Variants in MCM2 observed in about 807,000 individuals in gnomAD.
The protein encoded by MCM2 is minichromosome maintenance complex component 2.
In MCM2, 49 loss-of-function variants were observed where a neutral mutation model predicts 86.4. The observed-to-expected ratio is 0.57, with a 90% CI of 0.45 to 0.72. MCM2 has a LOEUF of 0.72. MCM2 is among the 30% of genes least tolerant of loss of function. The pLI is 0.00. For missense variants in MCM2, 1,038 were observed against 1,259.9 expected (o/e 0.82, Z 2.67); for synonymous variants, 475 against 484.6 (o/e 0.98, Z 0.26).
rs2074451264 is a variant in MCM2 at position 127,618,608 on chromosome 3, T to G, written c.2014-419T>G. Among the ~76,000 whole-genome samples the G allele has an allele frequency of 6.6e-6, 1 of 152,072 alleles. No individual in the cohort carries two copies. Among genetic ancestry groups the G allele is most frequent in the African/African-American group, 2.4e-5 (1 of 41,418 alleles). ...CTCAAAAGGGCCGAGCCTTGGGGCT[T>G]GATTGTGCTCCTTGCTCCTGGCAGA... On this transcript the variant is annotated intron_variant, in intron 12 of 15. Coordinates refer to ENST00000265056, the MANE Select transcript of MCM2 (RefSeq NM_004526.4). This position sits in a 1 kb window ranked among gnomAD's most constrained non-coding sequence, Gnocchi z 4.0.
chr3:127,619,418 G>A, intron 13 of MCM2, 140 bp downstream of exon 13: 1 of 1,038,160 alleles, frequency 9.6e-7, no homozygotes, highest in Non-Finnish European at 1.4e-6. Context: ...AAATGTAGGT[G>A]CCAGGCACAG....
chr3:127,598,499 G>GGCGC, intron 1 of MCM2, 27 bp downstream of exon 1: 3 of 1,611,452 alleles, frequency 1.9e-6, no homozygotes, highest in Non-Finnish European at 2.5e-6. Flanking sequence ...GTGGCGGGCG[G>GGCGC]GCGCCGGGGA....
At chr3:127,602,874 G>C (rs2074315039) in intron 2 of MCM2, among the ~76,000 whole-genome samples, 1 of 152,118 alleles carries the variant, frequency 6.6e-6, no homozygotes, top group Non-Finnish European at 1.5e-5. Context: ...CGGGGAGTTG[G>C]GTCAGCTCTC....
At position 127,618,673 on chromosome 3, in the gene MCM2, G is replaced by A. The variant is rs191605775; in HGVS notation, c.2014-354G>A. ...GTCACATGACTTGCATCTCATTGTC[G>A]TCATCTCAGCTCCCTGTCTTTCAGG... On this transcript the variant is annotated intron_variant, in intron 12 of 15. Transcript: ENST00000265056. The surrounding 1 kb of genome is among the most constrained non-coding windows in gnomAD (Gnocchi z 4.0). Among the ~76,000 whole-genome samples the A allele has an allele frequency of 9.2e-5, 14 of 152,254 alleles. No homozygotes were observed. Among genetic ancestry groups the A allele is most frequent in the Non-Finnish European group, 1.9e-4 (13 of 68,018 alleles).
chr3:127,599,364 G>A lies in MCM2; in HGVS notation c.53G>A (p.Arg18Gln), dbSNP rs185298481. Residue 18 changes from arginine (R) to glutamine (Q), a missense_variant, in exon 2 of 16, where the codon CGG (arginine) becomes CAG (glutamine). Around this residue, in one of 4 missense-constraint regions of MCM2, gnomAD observed 300 missense variants for 307.4 expected, o/e 0.98. Coordinates refer to ENST00000265056, the MANE Select transcript of MCM2 (RefSeq NM_004526.4). ...ATGGCATCCAGCCCGGCCCAGCGTC[G>A]GCGAGGCAATGATCCTCTCACCTCC... ...FTMASSPAQR[R>Q]RGNDPLTSSP... The A allele has an allele frequency of 1.2e-6, 2 of 1,613,990 alleles. No individual in the cohort carries two copies. The highest frequency in any genetic ancestry group is 1.1e-5 in the South Asian group (1 of 91,090).
chr3:127,616,943 T>C lies in MCM2; in HGVS notation c.1598T>C (p.Leu533Pro). Residue 533 changes from leucine to proline, a missense_variant, in exon 10 of 16, where the codon CTC becomes CCC. Leu to Pro is a moderately conservative substitution (Grantham distance 98). Transcript: ENST00000265056. The part of the protein sequence containing the change: ...GDPGTAKSQF[L>P]KYIEKVSSRA... The stretch of plus-strand genomic sequence containing the variant: ...CCTGGCACAGCGAAGTCGCAGTTTC[T>C]CAAGTATATTGAGAAAGTGTCCAGC... The C allele has an allele frequency of 6.2e-7, 1 of 1,614,156 alleles. No homozygotes were observed. The highest frequency in any genetic ancestry group is 2.2e-5 in the East Asian group (1 of 44,880).
Position 127,618,968 on chromosome 3 carries a change from G to T in MCM2, c.2014-59G>T. On this transcript the variant is annotated intron_variant, in intron 12 of 15. Coordinates refer to ENST00000265056, the MANE Select transcript of MCM2 (RefSeq NM_004526.4). This position sits in a 1 kb window ranked among gnomAD's most constrained non-coding sequence, Gnocchi z 4.0. ...CACACTCAGCCCTTCTCCAGCCACT[G>T]ACCTCCCCAAAGCCACGCACACCCA... The T allele has an allele frequency of 6.7e-7, 1 of 1,494,640 alleles. No homozygotes were observed. Among genetic ancestry groups the T allele is most frequent in the South Asian group, 1.3e-5 (1 of 75,512 alleles). 92.6% of individuals were successfully genotyped at this position (1,494,640 alleles called of 1,614,324 possible). A position where few individuals can be genotyped will look rare whatever the true frequency, so the allele number is the denominator to read the frequency against.
At chr3:127,614,261 ACT>A (rs143842123) in intron 8 of MCM2, among the ~76,000 whole-genome samples, 1,615 of 152,036 alleles carry the variant, frequency 0.011, 21 homozygotes, top group African/African-American at 0.037. Context: ...AAAAGAAAAG[ACT>A]CTCTTTGAAT....
At chr3:127,605,668 G>A (rs1033972950) in intron 4 of MCM2, among the ~76,000 whole-genome samples, 11 of 151,730 alleles carry the variant, frequency 7.2e-5, no homozygotes, top group South Asian at 4.2e-4. Context: ...TCAAACTCCC[G>A]ACCTCAGGTG....
chr3:127,598,549 C>T (rs1576409301), intron 1 of MCM2, 77 bp downstream of exon 1: 2 of 1,548,286 alleles, frequency 1.3e-6, no homozygotes, highest in East Asian at 4.7e-5. Flanking sequence ...ACTCTGGCCC[C>T]GGCCCAGGGC....
rs141149976 is a variant in MCM2 at position 127,617,497 on chromosome 3, G to C, written c.1900+92G>C. On this transcript the variant is annotated intron_variant, in intron 11 of 15. Coordinates refer to ENST00000265056, the MANE Select transcript of MCM2 (RefSeq NM_004526.4). The surrounding 1 kb of genome is among the most constrained non-coding windows in gnomAD (Gnocchi z 4.1). ...GGAGCCCACGGGGTCCCCAGGAGCC[G>C]ATCTGAGGAAGTCATTGTGCAGCAG... 7 of 1,452,034 alleles carry C rather than the reference G, an allele frequency of 4.8e-6. No homozygotes were observed. Among genetic ancestry groups the C allele is most frequent in the Non-Finnish European group, 6.4e-6 (7 of 1,088,968 alleles). 89.9% of individuals were successfully genotyped at this position (1,452,034 alleles called of 1,614,324 possible).
In MCM2 at chr3:127,620,789, T is replaced by G; in HGVS notation, c.2357T>G (p.Val786Gly). The G allele has an allele frequency of 6.2e-7, 1 of 1,614,150 alleles. No individual in the cohort carries two copies. Among genetic ancestry groups the G allele is most frequent in the Non-Finnish European group, 8.5e-7 (1 of 1,179,972 alleles). ...GCGCGCATCCATCTGCGGGACTATG[T>G]GATCGAAGACGACGTCAACATGGCC... ...AHARIHLRDY[V>G]IEDDVNMAIR... Residue 786 changes from valine (V) to glycine (G), a missense_variant, in exon 14 of 16, where the codon GTG (valine) becomes GGG (glycine). Transcript: ENST00000265056.
Position 127,618,010 on chromosome 3 carries a change from G to T in MCM2, c.1942G>T (p.Asp648Tyr). 1.2e-6 allele frequency: 2 copies of T among 1,614,070 alleles called. No homozygotes were observed. Among genetic ancestry groups the T allele is most frequent in the South Asian group, 2.2e-5 (2 of 91,062 alleles). The change falls in exon 12 of 16, where the codon GAC becomes TAC. Residue 648 changes from aspartate (D) to tyrosine (Y), a missense_variant. Physicochemically the swap from Asp to Tyr is radical, Grantham distance 160. Around this residue, in one of 4 missense-constraint regions of MCM2, gnomAD observed 336 missense variants for 425.7 expected, o/e 0.79. Coordinates refer to ENST00000265056, the MANE Select transcript of MCM2 (RefSeq NM_004526.4). The surrounding 1 kb of genome is among the most constrained non-coding windows in gnomAD (Gnocchi z 4.0). ...CTCGCTGACTTTCTCTGAGAACGTGGACCTCACAGAGCCCATCATCTCACG... is the reference window on the plus strand; with the variant it reads ...CTCGCTGACTTTCTCTGAGAACGTGTACCTCACAGAGCCCATCATCTCACG... The part of the protein sequence containing the change: ...DPSLTFSENV[D>Y]LTEPIISRFD...
At chr3:127,598,714 C>T in intron 1 of MCM2, 3 of 546,344 alleles carry the variant, frequency 5.5e-6, no homozygotes, top group East Asian at 3.3e-5. Flanking sequence ...TTATTCACCC[C>T]ACACATACTT....
chr3:127,608,657 C>A, intron 7 of MCM2, 141 bp downstream of exon 7: 1 of 1,304,252 alleles, frequency 7.7e-7, no homozygotes, highest in Non-Finnish European at 1.1e-6. Context: ...AGGCAAAGAA[C>A]TTTCTTCTGG....
chr3:127,606,295 G>T lies in MCM2; in HGVS notation c.851G>T (p.Arg284Leu), dbSNP rs148533176. The T allele has an allele frequency of 6.2e-7, 1 of 1,614,232 alleles. No individual in the cohort carries two copies. ...CGCATCACCAACCACATCCATGTCCGCATCTCCCACCTGCCTCTGGTGGAG... is the reference window on the plus strand; with the variant it reads ...CGCATCACCAACCACATCCATGTCCTCATCTCCCACCTGCCTCTGGTGGAG... ...YDRITNHIHV[R>L]ISHLPLVEEL... Residue 284 changes from arginine (R) to leucine (L), a missense_variant, in exon 5 of 16, where the codon CGC becomes CTC. Arg to Leu is a moderately radical substitution (Grantham distance 102). Transcript: ENST00000265056. This position sits in a 1 kb window ranked among gnomAD's most constrained non-coding sequence, Gnocchi z 4.2.
intron 2 of MCM2, among the ~76,000 whole-genome samples, chr3:127,601,343 A>G (rs1335347163): frequency 6.6e-6 from 1 of 152,146 alleles, no homozygotes; most frequent in Non-Finnish European, 1.5e-5. Context: ...ATGAACATTC[A>G]TTACAGGTCG....
rs769458486 is a variant in MCM2, at chr3:127,620,824, A to C, written c.2392A>C (p.Met798Leu). 1 of 1,613,954 alleles carries C rather than the reference A, an allele frequency of 6.2e-7. No individual in the cohort carries two copies. Among genetic ancestry groups the C allele is most frequent in the Non-Finnish European group, 8.5e-7 (1 of 1,179,858 alleles). Residue 798 changes from methionine to leucine, a missense_variant, in exon 14 of 16, where the codon ATG becomes CTG. By Grantham distance (15) the Met-to-Leu change is conservative (BLOSUM62 2). This residue lies in a region of MCM2 where 336 missense variants were observed against 425.7 expected (regional missense o/e 0.79). Transcript: ENST00000265056. ...CGACGTCAACATGGCCATCCGCGTGATGCTGGAGAGCTTCATAGACACACA... is the reference window on the plus strand; with the variant it reads ...CGACGTCAACATGGCCATCCGCGTGCTGCTGGAGAGCTTCATAGACACACA... Reference protein sequence around the residue: ...EDDVNMAIRVMLESFIDTQKF... With the variant: ...EDDVNMAIRVLLESFIDTQKF...
intron 4 of MCM2, among the ~76,000 whole-genome samples, chr3:127,605,626 GAA>G (rs1444644996): frequency 6.6e-6 from 1 of 151,336 alleles, no homozygotes; most frequent in African/African-American, 2.4e-5. Flanking sequence ...TTTTAGTAGA[GAA>G]GGGGTTTCTC....
Sources: gnomAD v4.1 joint callset for allele counts (sites outside exome capture counted in the v4.1 genomes callset) on GRCh38, gnomAD v4.1.1 for gene constraint, gnomAD v4.1.1 regional missense constraint, Gnocchi (gnomAD v3.1) non-coding constraint, MANE v1.5 for transcripts, NCBI Gene and HGNC (gene_info 2026-07-23, HGNC 2026-07-21) for gene names.